NTRK3: variants seen among roughly 807,000 people sequenced by gnomAD.
NTRK3 encodes neurotrophic receptor tyrosine kinase 3.
In NTRK3, 24 loss-of-function variants were observed where a neutral mutation model predicts 91.7. The ratio of observed to expected loss-of-function variants is 0.26; its 90% CI spans 0.19 to 0.37. The LOEUF is 0.37. Among genes scored for constraint, NTRK3 ranks in the 10% least tolerant of loss-of-function variants. The pLI is 1.00. For missense variants in NTRK3, 880 were observed against 1,068.9 expected, an observed-to-expected ratio of 0.82 and a Z score of 2.46; for synonymous variants, 483 against 404.0, an observed-to-expected ratio of 1.20 and a Z score of -2.34.
At chr15:87,997,746 T>A (rs1010794289) in intron 14 of NTRK3, among the ~76,000 whole-genome samples, 1 of 152,192 alleles carries the variant, frequency 6.6e-6, no homozygotes, top group Non-Finnish European at 1.5e-5. Context: ...CCTGGGGTCA[T>A]AGTTTCTCCA....
At chr15:87,933,794 G>T (rs1161048437) in intron 15 of NTRK3, among the ~76,000 whole-genome samples, 1 of 152,192 alleles carries the variant, frequency 6.6e-6, no homozygotes, top group East Asian at 1.9e-4. Context: ...CAATAGGGTG[G>T]GAAGAGTGGG....
Position 88,158,265 on chromosome 15 carries a change from C to T in NTRK3, c.396-10862G>A, listed in dbSNP as rs1001602461. On this transcript the variant is annotated intron_variant, in intron 5 of 18. Coordinates refer to ENST00000394480, the Ensembl canonical transcript of NTRK3. Reference sequence around the variant, plus strand: ...GCCAGTCACCACCGAAGCCACAACGCGCCCACGCCATTAAAACAAATACAG... The same window carrying T: ...GCCAGTCACCACCGAAGCCACAACGTGCCCACGCCATTAAAACAAATACAG... Among the ~76,000 whole-genome samples the T allele has an allele frequency of 2.4e-4, 37 of 152,214 alleles. No individual in the cohort carries two copies. In the South Asian group the frequency reaches 4.1e-3, roughly 17 times the overall value.
At chr15:88,142,732 G>A (rs981843064) in intron 6 of NTRK3, among the ~76,000 whole-genome samples, 2 of 152,200 alleles carry the variant, frequency 1.3e-5, no homozygotes, top group South Asian at 2.1e-4. Flanking sequence ...TGGGACAGCT[G>A]TATCATTTCA....
At chr15:87,942,017 C>T (rs543198300) in intron 14 of NTRK3, among the ~76,000 whole-genome samples, 1 of 152,342 alleles carries the variant, frequency 6.6e-6, no homozygotes, top group Non-Finnish European at 1.5e-5. Context: ...GGCAGACCAT[C>T]CCCATAAATG....
At position 87,928,715 on chromosome 15, in the gene NTRK3, T is replaced by C. The variant is rs999841872; in HGVS notation, c.2133+476A>G. ...GTTACTTTACTTAGGTTTCCTCTTC[T>C]CATCAAGATCTACTTTTGGAAACAA... On this transcript the variant is annotated intron_variant, in intron 17 of 18. Coordinates refer to ENST00000394480, the Ensembl canonical transcript of NTRK3. 3.3e-5 allele frequency: 7 copies of C among 212,708 alleles called. No homozygotes were observed. In the Admixed American group the frequency reaches 3.7e-4, roughly 11 times the overall value. 13.2% of individuals were successfully genotyped at this position (212,708 alleles called of 1,614,324 possible).
intron 13 of NTRK3, among the ~76,000 whole-genome samples, chr15:88,085,373 A>T (rs2048403809): frequency 6.6e-6 from 1 of 152,222 alleles, no homozygotes; most frequent in Non-Finnish European, 1.5e-5. Flanking sequence ...GGGAGGTGAC[A>T]GTGACTGTTC....
At chr15:87,867,820 G>A (rs1229431756) in exon 19 of NTRK3, 2 of 227,016 alleles carry the variant, frequency 8.8e-6, no homozygotes, top group African/African-American at 4.5e-5. Flanking sequence ...TTGTTACTCA[G>A]GAACAAATTC....
intron 3 of NTRK3, among the ~76,000 whole-genome samples, chr15:88,207,977 G>A (rs1358951229): frequency 2.0e-5 from 3 of 152,232 alleles, no homozygotes; most frequent in East Asian, 1.9e-4. Flanking sequence ...AACTTCCTAC[G>A]GTGTGTGGAT....
intron 17 of NTRK3, among the ~76,000 whole-genome samples, chr15:87,894,195 C>T (rs545561722): frequency 1.2e-4 from 19 of 152,220 alleles, no homozygotes; most frequent in Non-Finnish European, 2.1e-4. Flanking sequence ...GTGGCCTTGG[C>T]CTGTTCCACC....
At chr15:87,886,889 T>A (rs562358464) in intron 17 of NTRK3, among the ~76,000 whole-genome samples, 2 of 151,438 alleles carry the variant, frequency 1.3e-5, no homozygotes, top group African/African-American at 2.4e-5. Flanking sequence ...TATCAAAAAA[T>A]TAATATTTTT....
intron 11 of NTRK3, among the ~76,000 whole-genome samples, chr15:88,127,933 T>C (rs1237896436): frequency 6.6e-6 from 1 of 152,130 alleles, no homozygotes; most frequent in Non-Finnish European, 1.5e-5. Flanking sequence ...AATTCAGAAT[T>C]CTCTGAAGGA....
At chr15:88,041,143 T>C (rs982346404) in intron 13 of NTRK3, among the ~76,000 whole-genome samples, 3 of 152,186 alleles carry the variant, frequency 2.0e-5, no homozygotes, top group Admixed American at 6.5e-5. Flanking sequence ...CCCCTGTGAT[T>C]GGGGCTAAAT....
chr15:88,162,582 C>T (rs533896695), intron 5 of NTRK3, among the ~76,000 whole-genome samples: 14 of 152,300 alleles, frequency 9.2e-5, no homozygotes, highest in South Asian at 2.1e-4. Context: ...CACCAGACAA[C>T]GCACTCAGCA....
At chr15:88,254,119 C>G (rs2053740880) in intron 3 of NTRK3, among the ~76,000 whole-genome samples, 1 of 152,162 alleles carries the variant, frequency 6.6e-6, no homozygotes, top group Non-Finnish European at 1.5e-5. Context: ...CTTGGCCCAC[C>G]CCTGGCAATC....
At chr15:88,061,763 C>T (rs2046240165) in intron 13 of NTRK3, among the ~76,000 whole-genome samples, 1 of 152,200 alleles carries the variant, frequency 6.6e-6, no homozygotes, top group Non-Finnish European at 1.5e-5. Context: ...TTCTTAGAGT[C>T]CCCTGTGAGG....
At chr15:88,107,539 G>A (rs560182532) in intron 13 of NTRK3, among the ~76,000 whole-genome samples, 1 of 152,112 alleles carries the variant, frequency 6.6e-6, no homozygotes, top group Non-Finnish European at 1.5e-5. Context: ...GAACTGAAGA[G>A]GTCATGGTAG....
chr15:88,243,809 C>A lies in NTRK3; in HGVS notation c.248+12097G>T, dbSNP rs906926542. 6.6e-6 allele frequency among the ~76,000 whole-genome samples: 1 copy of A among 152,198 alleles called. No homozygotes were observed. The highest frequency in any genetic ancestry group is 2.4e-5 in the African/African-American group (1 of 41,458). On this transcript the variant is annotated intron_variant, in intron 3 of 18. Coordinates refer to ENST00000394480, the Ensembl canonical transcript of NTRK3. The surrounding 1 kb of genome is among the most constrained non-coding windows in gnomAD (Gnocchi z 4.8). The stretch of plus-strand genomic sequence containing the variant: ...TTTAGGTGCCAGGATTGTTTCATCA[C>A]AATCAACTTAGTCAGTTGCCCATGT...
intron 13 of NTRK3, among the ~76,000 whole-genome samples, chr15:88,064,307 G>A (rs2046461754): frequency 6.6e-6 from 1 of 152,216 alleles, no homozygotes. Flanking sequence ...GCTGTTTGCA[G>A]TAATTTGTTA....
chr15:88,035,647 T>A (rs918166276), intron 13 of NTRK3, among the ~76,000 whole-genome samples: 2 of 152,024 alleles, frequency 1.3e-5, no homozygotes, highest in Admixed American at 1.3e-4. Flanking sequence ...AATTCCTAAA[T>A]ATGAAGAAGC....
Sources: allele counts gnomAD v4.1 joint callset (sites outside exome capture counted in the v4.1 genomes callset), GRCh38; gene constraint gnomAD v4.1.1; non-coding constraint Gnocchi (gnomAD v3.1); transcripts MANE v1.5; gene names NCBI Gene and HGNC (gene_info 2026-07-23, HGNC 2026-07-21).